The following NAV2 variants were observed in gnomAD, a reference collection of about 807,000 sequenced individuals.
NAV2 encodes the protein helicase, APC down-regulated 1.
A neutral mutation model predicts 223.2 loss-of-function variants in NAV2; 54 were observed. That is an observed-to-expected ratio of 0.24 (90% CI 0.19 to 0.30). NAV2 has a LOEUF of 0.30. Among genes scored for constraint, NAV2 ranks in the 10% least tolerant of loss-of-function variants. The pLI, the probability that NAV2 is intolerant of heterozygous loss-of-function variation, is 1.00. For synonymous variants in NAV2, 1,279 were observed against 1,239.3 expected, an observed-to-expected ratio of 1.03 and a Z score of -0.67; for missense variants, 2,806 against 3,147.5, an observed-to-expected ratio of 0.89 and a Z score of 2.60.
intron 12 of NAV2, 53 bp downstream of exon 12, chr11:20,036,150 A>G: frequency 6.2e-7 from 1 of 1,610,602 alleles, no homozygotes; most frequent in East Asian, 2.2e-5. Context: ...GCAGCAGGGA[A>G]CCTTGGGCTT....
chr11:19,975,575 C>T (rs2049645141), intron 10 of NAV2, among the ~76,000 whole-genome samples: 1 of 152,208 alleles, frequency 6.6e-6, no homozygotes, highest in Admixed American at 6.5e-5. Context: ...GCCTGTTTCA[C>T]CACCACACAG....
intron 6 of NAV2, among the ~76,000 whole-genome samples, chr11:19,900,364 T>C (rs1396152462): frequency 6.6e-6 from 1 of 152,150 alleles, no homozygotes; most frequent in African/African-American, 2.4e-5. Flanking sequence ...AGAATGCAAG[T>C]ACCGTGAAGG....
At chr11:19,348,450 G>A (rs923332033), upstream of NAV2, among the ~76,000 whole-genome samples, 6 of 152,196 alleles carry the variant, frequency 3.9e-5, no homozygotes, top group Non-Finnish European at 5.9e-5. Context: ...GATATGAGCA[G>A]GAACTTTGAA....
At chr11:19,369,643 G>C (rs1481708585) in intron 1 of NAV2, among the ~76,000 whole-genome samples, 1 of 152,076 alleles carries the variant, frequency 6.6e-6, no homozygotes, top group African/African-American at 2.4e-5. Flanking sequence ...ACATTTTATT[G>C]TAGAATGAAA....
intron 8 of NAV2, among the ~76,000 whole-genome samples, chr11:19,941,345 G>T (rs2046386081): frequency 6.6e-6 from 1 of 151,506 alleles, no homozygotes; most frequent in African/African-American, 2.4e-5. Context: ...AATGGGGTTG[G>T]TCGCTAACAA....
At chr11:19,984,854 G>T (rs2050629736) in intron 11 of NAV2, among the ~76,000 whole-genome samples, 1 of 152,208 alleles carries the variant, frequency 6.6e-6, no homozygotes, top group African/African-American at 2.4e-5. Context: ...CCAGGTTCTA[G>T]TTCTTACTCT....
At chr11:19,702,355 T>G (rs2049532648) in intron 1 of NAV2, among the ~76,000 whole-genome samples, 1 of 152,196 alleles carries the variant, frequency 6.6e-6, no homozygotes, top group Admixed American at 6.5e-5. Flanking sequence ...AACATAGGTT[T>G]TGTTTATTAG....
At chr11:19,769,579 C>T (rs1590397302) in intron 1 of NAV2, among the ~76,000 whole-genome samples, 1 of 152,180 alleles carries the variant, frequency 6.6e-6, no homozygotes, top group Non-Finnish European at 1.5e-5. Context: ...TGGAGGCACC[C>T]TCTCCTGGGC....
chr11:19,637,339 T>A (rs2047534217), intron 1 of NAV2, among the ~76,000 whole-genome samples: 1 of 152,198 alleles, frequency 6.6e-6, no homozygotes, highest in African/African-American at 2.4e-5. Flanking sequence ...TAGCTGCTGA[T>A]CTTGCCTCCA....
chr11:19,716,756 A>G (rs1590156521), intron 1 of NAV2, among the ~76,000 whole-genome samples: 1 of 152,190 alleles, frequency 6.6e-6, no homozygotes, highest in African/African-American at 2.4e-5. Flanking sequence ...TCCATTTTCT[A>G]TGACAGTAAC....
At chr11:19,557,521 T>C (rs2044937283) in intron 1 of NAV2, among the ~76,000 whole-genome samples, 1 of 152,256 alleles carries the variant, frequency 6.6e-6, no homozygotes, top group Non-Finnish European at 1.5e-5. Flanking sequence ...GATGGTACTC[T>C]AGGCTCTGAA....
At chr11:19,932,405 A>G (rs997716971) in intron 6 of NAV2, among the ~76,000 whole-genome samples, 11 of 152,056 alleles carry the variant, frequency 7.2e-5, no homozygotes, top group Admixed American at 5.2e-4. Flanking sequence ...GCATGATCTC[A>G]GCTCACTGCA....
chr11:19,906,607 C>G (rs1243412629), intron 6 of NAV2, among the ~76,000 whole-genome samples: 2 of 152,182 alleles, frequency 1.3e-5, no homozygotes, highest in Admixed American at 6.5e-5. Context: ...CTTGCAGTTT[C>G]CTATAAGTTA....
chr11:20,008,751 G>C (rs1466871673), intron 11 of NAV2, among the ~76,000 whole-genome samples: 2 of 132,830 alleles, frequency 1.5e-5, no homozygotes, highest in Admixed American at 1.6e-4. Context: ...TTTTTTTTCC[G>C]CCTGCTTGTT....
chr11:19,749,888 T>C (rs1216463088), intron 1 of NAV2, among the ~76,000 whole-genome samples: 1 of 152,260 alleles, frequency 6.6e-6, no homozygotes, highest in Non-Finnish European at 1.5e-5. Flanking sequence ...CTCACGTCTA[T>C]GGCTTTGAGG....
intron 1 of NAV2, among the ~76,000 whole-genome samples, chr11:19,433,293 A>G (rs1041368663): frequency 2.6e-5 from 4 of 152,160 alleles, no homozygotes; most frequent in African/African-American, 9.7e-5. Flanking sequence ...TTACTTCATT[A>G]AGTGGTGAGC....
intron 1 of NAV2, among the ~76,000 whole-genome samples, chr11:19,527,918 G>A (rs1177769873): frequency 3.0e-5 from 4 of 134,520 alleles, no homozygotes; most frequent in African/African-American, 1.4e-4. Context: ...CAAGTCACAA[G>A]GAGATAGCTC....
chr11:19,635,702 G>C (rs530078553), intron 1 of NAV2, among the ~76,000 whole-genome samples: 1 of 152,168 alleles, frequency 6.6e-6, no homozygotes, highest in Middle Eastern at 3.2e-3. Flanking sequence ...AGTCCCATGA[G>C]AGCGAGAACT....
intron 1 of NAV2, among the ~76,000 whole-genome samples, chr11:19,432,617 G>T (rs1426144213): frequency 6.6e-6 from 1 of 152,154 alleles, no homozygotes; most frequent in African/African-American, 2.4e-5. Flanking sequence ...CATGGAGAGC[G>T]AGGCAGTGGG....
Sources: allele counts gnomAD v4.1 joint callset (sites outside exome capture counted in the v4.1 genomes callset), GRCh38; gene constraint gnomAD v4.1.1; transcripts MANE v1.5; gene names NCBI Gene and HGNC (gene_info 2026-07-23, HGNC 2026-07-21).